C11orf71: variants seen among roughly 807,000 people sequenced by gnomAD.
C11orf71 encodes the protein uncharacterized protein C11orf71.
For synonymous variants in C11orf71, 72 were observed against 73.4 expected (o/e 0.98, Z 0.09); for missense variants, 179 against 167.6 (o/e 1.07, Z -0.38).
downstream of C11orf71, among the ~76,000 whole-genome samples, chr11:114,393,691 T>A (rs1946089679): frequency 6.6e-6 from 1 of 152,190 alleles, no homozygotes; most frequent in Non-Finnish European, 1.5e-5. Context: ...TGAAATGGTA[T>A]CCCTCCAAAA....
rs927207963 is a variant in C11orf71 at position 114,400,420 on chromosome 11, A to C, written c.-89T>G. On this transcript the variant is annotated 5_prime_UTR_variant, in exon 1 of 1. Coordinates refer to ENST00000623205, the MANE Select transcript of C11orf71 (RefSeq NM_001271562.2). ...CCCAGATCAGTCCAGCCTGTGTCGG[A>C]CCCGATGACTAAGCACACAGGAACC... The C allele has an allele frequency of 1.3e-5, 19 of 1,449,538 alleles. No homozygotes were observed. Among genetic ancestry groups the C allele is most frequent in the Non-Finnish European group, 1.7e-5 (19 of 1,091,074 alleles). The allele number at this position is 1,449,538 out of a possible 1,614,324, so 89.8% of individuals were successfully genotyped here. A position where few individuals can be genotyped will look rare whatever the true frequency, so the allele number is the denominator to read the frequency against.
chr11:114,394,220 T>C (rs1259008285), downstream of C11orf71, among the ~76,000 whole-genome samples: 2 of 52,792 alleles, frequency 3.8e-5, no homozygotes, highest in Admixed American at 2.3e-4. Flanking sequence ...TTTCTTTTCT[T>C]TTCTTTTCTT....
chr11:114,394,545 T>C (rs957950356), downstream of C11orf71, among the ~76,000 whole-genome samples: 1 of 152,050 alleles, frequency 6.6e-6, no homozygotes, highest in African/African-American at 2.4e-5. Flanking sequence ...TCCACCCACG[T>C]TGGCCTCCCA....
At chr11:114,395,654 A>G (rs565369838), downstream of C11orf71, among the ~76,000 whole-genome samples, 1 of 152,358 alleles carries the variant, frequency 6.6e-6, no homozygotes, top group East Asian at 1.9e-4. Context: ...AAGAAAATAC[A>G]TCATTAGCAT....
At chr11:114,395,994 C>A (rs10891658), downstream of C11orf71, among the ~76,000 whole-genome samples, 30,806 of 152,114 alleles carry the variant, frequency 0.2, 3,303 homozygotes, top group East Asian at 0.41. Context: ...AACTCCTGGG[C>A]TCAAGGGATT....
downstream of C11orf71, among the ~76,000 whole-genome samples, chr11:114,395,208 G>A (rs959363534): frequency 4.0e-5 from 6 of 149,422 alleles, no homozygotes; most frequent in African/African-American, 1.5e-4. Flanking sequence ...CCAAATACTT[G>A]AACACAGAGT....
At chr11:114,395,160 T>A (rs76171004), downstream of C11orf71, among the ~76,000 whole-genome samples, 1,314 of 152,182 alleles carry the variant, frequency 8.6e-3, 23 homozygotes, top group African/African-American at 0.028. Context: ...AAGACATAGA[T>A]TACACCTCTA....
At position 114,399,849 on chromosome 11, in the gene C11orf71, A is replaced by C; in HGVS notation, c.*111T>G. 1.4e-6 allele frequency: 2 copies of C among 1,379,872 alleles called. No homozygotes were observed. Among genetic ancestry groups the C allele is most frequent in the Middle Eastern group, 2.0e-4 (1 of 5,046 alleles). The allele number at this position is 1,379,872 out of a possible 1,614,324, so 85.5% of individuals were successfully genotyped here. A position where few individuals can be genotyped will look rare whatever the true frequency, so the allele number is the denominator to read the frequency against. On this transcript the variant is annotated 3_prime_UTR_variant, in exon 1 of 1. Transcript: ENST00000623205. ...TATTCATATAACTCCCACGTATTAA[A>C]TGAAAATACATCCATCTAAAAATAA...
chr11:114,391,470 T>A, exon 2 of C11orf71: 1 of 611,622 alleles, frequency 1.6e-6, no homozygotes, highest in Non-Finnish European at 2.5e-6. Flanking sequence ...TTTTAATGCA[T>A]ATTTCATTCA....
At chr11:114,394,066 G>A (rs374698310), downstream of C11orf71, among the ~76,000 whole-genome samples, 29 of 151,884 alleles carry the variant, frequency 1.9e-4, no homozygotes, top group East Asian at 3.9e-3. Flanking sequence ...TGCAAGCTCC[G>A]CCTCCCGGGT....
rs1051885 is a variant in C11orf71 at position 114,400,138 on chromosome 11, C to T, written c.194G>A (p.Ser65Asn). ...QAVRPSVRAE[S>N]RRVDGGGRSP... ...CCGGCCGCCACCATCCACTCGACGGCTCTCGGCCCGAACGCTTGGTCGCAC... is the reference window on the plus strand; with the variant it reads ...CCGGCCGCCACCATCCACTCGACGGTTCTCGGCCCGAACGCTTGGTCGCAC... Residue 65 changes from serine (S) to asparagine (N), a missense_variant, in exon 1 of 1, where the codon AGC (serine) becomes AAC (asparagine). By Grantham distance (46) the Ser-to-Asn change is conservative. Coordinates refer to ENST00000623205, the MANE Select transcript of C11orf71 (RefSeq NM_001271562.2). 1 of 1,613,900 alleles carries T rather than the reference C, an allele frequency of 6.2e-7. No homozygotes were observed. The highest frequency in any genetic ancestry group is 8.5e-7 in the Non-Finnish European group (1 of 1,179,888).
At chr11:114,397,976 G>C (rs1401291640), downstream of C11orf71, among the ~76,000 whole-genome samples, 1 of 152,034 alleles carries the variant, frequency 6.6e-6, no homozygotes, top group Non-Finnish European at 1.5e-5. Flanking sequence ...TATACTAAAT[G>C]GGAAAAAATG....
downstream of C11orf71, among the ~76,000 whole-genome samples, chr11:114,394,203 CT>C (rs1162918308): frequency 3.2e-4 from 16 of 49,232 alleles, no homozygotes; most frequent in South Asian, 5.0e-3. Context: ...CTTTTCTTTT[CT>C]TTTCTTTTCT....
At chr11:114,391,745 C>A in intron 1 of C11orf71, 2 of 565,416 alleles carry the variant, frequency 3.5e-6, no homozygotes, top group South Asian at 3.3e-5. Flanking sequence ...AAAAGGGATT[C>A]AAATTTATTT....
chr11:114,400,337 A>G lies in C11orf71; in HGVS notation c.-6T>C, dbSNP rs1434450181. ...GACACATTGTTCAGGGCCATATTCAAACACTGCCCGCAGTACTTGCGTTAC... is the reference window on the plus strand; with the variant it reads ...GACACATTGTTCAGGGCCATATTCAGACACTGCCCGCAGTACTTGCGTTAC... On this transcript the variant is annotated 5_prime_UTR_variant, in exon 1 of 1. Coordinates refer to ENST00000623205, the MANE Select transcript of C11orf71 (RefSeq NM_001271562.2). The G allele has an allele frequency of 6.3e-7, 1 of 1,597,220 alleles. No individual in the cohort carries two copies. Among genetic ancestry groups the G allele is most frequent in the Non-Finnish European group, 8.5e-7 (1 of 1,171,560 alleles).
intron 1 of C11orf71, among the ~76,000 whole-genome samples, chr11:114,392,698 C>G (rs1946082541): frequency 6.6e-6 from 1 of 150,562 alleles, no homozygotes; most frequent in Non-Finnish European, 1.5e-5. Context: ...CGCACTGCAC[C>G]CCAGAGCCTG....
intron 1 of C11orf71, among the ~76,000 whole-genome samples, chr11:114,392,397 G>C (rs1306229857): frequency 1.3e-5 from 2 of 151,878 alleles, no homozygotes; most frequent in African/African-American, 4.8e-5. Flanking sequence ...AATTAGCCAG[G>C]CTTGGTGATG....
At chr11:114,398,408 T>C (rs1287525723), downstream of C11orf71, 1 of 142,302 alleles carries the variant, frequency 7.0e-6, no homozygotes, top group East Asian at 2.1e-4. Flanking sequence ...ATTTACTAGC[T>C]ATATGACCTT....
At position 114,400,265 on chromosome 11, in the gene C11orf71, G is replaced by T. The variant is rs1353109167; in HGVS notation, c.67C>A (p.His23Asn). The change falls in exon 1 of 1, where the codon CAT (histidine) becomes AAT (asparagine). Residue 23 changes from histidine (H) to asparagine (N), a missense_variant. By Grantham distance (68) the His-to-Asn change is moderately conservative. Transcript: ENST00000623205. ...QRSRVAYRSS[H>N]GDLRPRASAL... ...GACGCCCGCGGTCTGAGGTCGCCAT[G>T]GGAAGAGCGGTAGGCCACCCTGCTC... 1 of 1,610,962 alleles carries T rather than the reference G, an allele frequency of 6.2e-7. No individual in the cohort carries two copies. Among genetic ancestry groups the T allele is most frequent in the Non-Finnish European group, 8.5e-7 (1 of 1,178,618 alleles).
Sources: allele counts gnomAD v4.1 joint callset (sites outside exome capture counted in the v4.1 genomes callset), GRCh38; gene constraint gnomAD v4.1.1; transcripts MANE v1.5; gene names NCBI Gene and HGNC (gene_info 2026-07-23, HGNC 2026-07-21).